The following FILIP1 variants were observed in gnomAD, a reference collection of about 807,000 sequenced individuals.
FILIP1 encodes the protein filamin A interacting protein 1.
A neutral mutation model predicts 102.1 loss-of-function variants in FILIP1; 61 were observed. That is an observed-to-expected ratio of 0.60 (90% CI 0.49 to 0.74). The LOEUF (loss-of-function observed/expected upper bound fraction) is 0.74. Among genes scored for constraint, FILIP1 ranks in the 30% least tolerant of loss-of-function variants. The pLI, the probability that FILIP1 is intolerant of heterozygous loss-of-function variation, is 0.00. For missense variants in FILIP1, 1,314 were observed against 1,441.2 expected, an observed-to-expected ratio of 0.91 and a Z score of 1.43; for synonymous variants, 491 against 526.9, an observed-to-expected ratio of 0.93 and a Z score of 0.93.
intron 1 of FILIP1, among the ~76,000 whole-genome samples, 200 bp from the exon 2 acceptor site, chr6:75,415,178 C>T (rs1212603623): frequency 6.6e-6 from 1 of 152,054 alleles, no homozygotes; most frequent in African/African-American, 2.4e-5. Context: ...TGACAAACCC[C>T]TCAAGCCAAA....
At chr6:75,340,698 G>A (rs546490944) in intron 4 of FILIP1, among the ~76,000 whole-genome samples, 10 of 151,390 alleles carry the variant, frequency 6.6e-5, no homozygotes, top group South Asian at 6.2e-4. Context: ...ATGGGTTTTC[G>A]TTTTTGTTTT....
chr6:75,391,426 A>C (rs142954777), intron 2 of FILIP1, among the ~76,000 whole-genome samples: 1 of 152,218 alleles, frequency 6.6e-6, no homozygotes, highest in African/African-American at 2.4e-5. Context: ...CTATTTCATA[A>C]CTTCTTCTGC....
intron 2 of FILIP1, among the ~76,000 whole-genome samples, chr6:75,371,869 A>T (rs912976996): frequency 4.5e-4 from 69 of 152,246 alleles, no homozygotes; most frequent in Middle Eastern, 3.2e-3. Context: ...TAGAAATAGC[A>T]CAGGAGAAAA....
At chr6:75,404,815 A>C (rs1012201599) in intron 2 of FILIP1, among the ~76,000 whole-genome samples, 1 of 152,170 alleles carries the variant, frequency 6.6e-6, no homozygotes, top group African/African-American at 2.4e-5. Context: ...AACCAAGTTC[A>C]ACCCAAAATC....
At chr6:75,400,633 G>A (rs759931021) in intron 2 of FILIP1, among the ~76,000 whole-genome samples, 2 of 152,046 alleles carry the variant, frequency 1.3e-5, no homozygotes, top group Non-Finnish European at 2.9e-5. Flanking sequence ...CTAGAGAACC[G>A]CAGGAGCTTT....
At position 75,367,884 on chromosome 6, in the gene FILIP1, T is replaced by C. The variant is rs1397094873; in HGVS notation, c.277-4967A>G. On this transcript the variant is annotated intron_variant, in intron 2 of 5. Coordinates refer to ENST00000237172, the MANE Select transcript of FILIP1 (RefSeq NM_015687.5). ...AAAGTTCAAAATGTAAGAAAACTTC[T>C]GTTCTTGAGCATTAATATTTTCACA... Among the ~76,000 whole-genome samples, 3 of 152,364 alleles carry C rather than the reference T, an allele frequency of 2.0e-5. No individual in the cohort carries two copies. In the East Asian group the frequency reaches 5.8e-4, roughly 29 times the overall value.
intron 1 of FILIP1, among the ~76,000 whole-genome samples, chr6:75,466,870 A>T (rs1164768632): frequency 1.3e-5 from 2 of 152,180 alleles, no homozygotes; most frequent in African/African-American, 4.8e-5. Flanking sequence ...GAATAGCCAC[A>T]TGTGGTTACT....
At chr6:75,322,170 T>C (rs1045781590) in intron 4 of FILIP1, among the ~76,000 whole-genome samples, 6 of 152,238 alleles carry the variant, frequency 3.9e-5, no homozygotes, top group South Asian at 2.1e-4. Flanking sequence ...AAATATAGCA[T>C]GTATCTATTC....
At chr6:75,345,673 G>T (rs752785779) in intron 4 of FILIP1, among the ~76,000 whole-genome samples, 2 of 152,090 alleles carry the variant, frequency 1.3e-5, no homozygotes, top group Non-Finnish European at 2.9e-5. Context: ...ATCAGACACT[G>T]CCTCCTCAAT....
At chr6:75,408,061 T>C (rs1382449773) in intron 2 of FILIP1, among the ~76,000 whole-genome samples, 1 of 152,200 alleles carries the variant, frequency 6.6e-6, no homozygotes, top group Non-Finnish European at 1.5e-5. Flanking sequence ...GGTGCCCAAA[T>C]GATGGGCCGG....
chr6:75,335,499 T>TTCCTTCCTTCCTCCCTCCC (rs1403110548), intron 4 of FILIP1, among the ~76,000 whole-genome samples: 2 of 151,488 alleles, frequency 1.3e-5, no homozygotes, highest in Non-Finnish European at 2.9e-5. Flanking sequence ...TCTTCCTCCC[T>TTCCTTCCTTCCTCCCTCCC]TCCTTCCTCC....
chr6:75,390,041 C>T (rs752413872), intron 2 of FILIP1, among the ~76,000 whole-genome samples: 8 of 152,148 alleles, frequency 5.3e-5, no homozygotes, highest in Non-Finnish European at 1.2e-4. Context: ...GTCCATGGCT[C>T]CTACCTCCAG....
At chr6:75,371,366 G>A (rs1775511217) in intron 2 of FILIP1, among the ~76,000 whole-genome samples, 1 of 152,144 alleles carries the variant, frequency 6.6e-6, no homozygotes, top group Non-Finnish European at 1.5e-5. Context: ...ATCAGAAACA[G>A]ACGCAATTTC....
At chr6:75,304,567 G>C (rs1341211023), downstream of FILIP1, among the ~76,000 whole-genome samples, 25 of 152,130 alleles carry the variant, frequency 1.6e-4, no homozygotes, top group Admixed American at 1.6e-3. Flanking sequence ...TATAAATGTT[G>C]GCTGCTGATT....
rs187206788 is a variant in FILIP1, at chr6:75,465,001, A to G, written c.-7+28413T>C. 94 of 154,602 alleles carry G rather than the reference A, an allele frequency of 6.1e-4. 1 individual carries two copies. Among genetic ancestry groups the G allele is most frequent in the African/African-American group, 2.0e-3 (85 of 41,552 alleles). 9.6% of individuals were successfully genotyped at this position (154,602 alleles called of 1,614,324 possible). On this transcript the variant is annotated intron_variant, in intron 1 of 5. Transcript: ENST00000237172. ...CTGGACCTAGCCACCATCATCTTCA[A>G]CCTAGATAATGCAACAGCCTCCAGC...
chr6:75,328,871 G>C (rs13193201), intron 4 of FILIP1, among the ~76,000 whole-genome samples: 8,204 of 152,234 alleles, frequency 0.054, 317 homozygotes, highest in Non-Finnish European at 0.079. Flanking sequence ...GCCTTTGGTT[G>C]TATTTTCACT....
chr6:75,374,974 A>G (rs1775704880), intron 2 of FILIP1, among the ~76,000 whole-genome samples: 1 of 152,160 alleles, frequency 6.6e-6, no homozygotes, highest in Admixed American at 6.5e-5. Context: ...TGGAGGACTG[A>G]GTGGCGGGTG....
In FILIP1 at chr6:75,483,844, C is replaced by T. The variant is rs1030088725; in HGVS notation, c.-7+9570G>A. Among the ~76,000 whole-genome samples, 3 of 152,184 alleles carry T rather than the reference C, an allele frequency of 2.0e-5. No individual in the cohort carries two copies. The South Asian group carries it at 6.2e-4, about 32-fold the overall frequency. On this transcript the variant is annotated intron_variant, in intron 1 of 5. Coordinates refer to ENST00000237172, the MANE Select transcript of FILIP1 (RefSeq NM_015687.5). The stretch of plus-strand genomic sequence containing the variant: ...ACGCACAGGCTGGGGAGTCCAATTG[C>T]CTGGACTCATCCCAGACTTGCCACC...
At chr6:75,380,231 G>A (rs1244250517) in intron 2 of FILIP1, among the ~76,000 whole-genome samples, 1 of 148,642 alleles carries the variant, frequency 6.7e-6, no homozygotes, top group East Asian at 1.9e-4. Flanking sequence ...GGAAATATTT[G>A]TAACAACTAT....
Sources: allele counts gnomAD v4.1 joint callset (sites outside exome capture counted in the v4.1 genomes callset), GRCh38; gene constraint gnomAD v4.1.1; transcripts MANE v1.5; gene names NCBI Gene and HGNC (gene_info 2026-07-23, HGNC 2026-07-21).